CARMIL1: variants seen among roughly 807,000 people sequenced by gnomAD.
CARMIL1 encodes capping protein regulator and myosin 1 linker 1.
Under a neutral mutation model 177.1 loss-of-function variants are expected in CARMIL1, and 90 were observed. The observed-to-expected ratio is 0.51, with a 90% CI of 0.43 to 0.61. The LOEUF is 0.61. Ranked by LOEUF, CARMIL1 falls within the 20% of genes least tolerant of loss-of-function variation. The pLI is 0.00. For missense variants in CARMIL1, 1,380 were observed against 1,667.0 expected (o/e 0.83, Z 3.00); for synonymous variants, 577 against 606.2 (o/e 0.95, Z 0.71).
chr6:25,477,868 T>TTC (rs1801720276), intron 11 of CARMIL1, among the ~76,000 whole-genome samples: 1 of 148,786 alleles, frequency 6.7e-6, no homozygotes, highest in Non-Finnish European at 1.5e-5. Context: ...TTTTTTTTTT[T>TTC]TTTTTGAGAC....
chr6:25,581,237 T>C lies in CARMIL1; in HGVS notation c.2810-6T>C. 6.2e-7 allele frequency: 1 copy of C among 1,607,540 alleles called. No homozygotes were observed. The highest frequency in any genetic ancestry group is 8.5e-7 in the Non-Finnish European group (1 of 1,178,458). The stretch of plus-strand genomic sequence containing the variant: ...TGTTTTTTTGTTTTTTTGTTTTTAA[T>C]TTTAGAAATGGAGTTTGATCTAGAT... On this transcript the variant is annotated splice_polypyrimidine_tract_variant and splice_region_variant and intron_variant, in intron 30 of 36. Coordinates refer to ENST00000329474, the MANE Select transcript of CARMIL1 (RefSeq NM_017640.6).
intron 2 of CARMIL1, among the ~76,000 whole-genome samples, chr6:25,416,529 C>T (rs1203447184): frequency 6.6e-6 from 1 of 152,190 alleles, no homozygotes; most frequent in African/African-American, 2.4e-5. Context: ...ACAGTGTACT[C>T]AACAGGTACT....
At chr6:25,610,802 C>A (rs879472422) in intron 36 of CARMIL1, among the ~76,000 whole-genome samples, 1 of 152,210 alleles carries the variant, frequency 6.6e-6, no homozygotes, top group Non-Finnish European at 1.5e-5. Flanking sequence ...TGAGCTGTTA[C>A]CAATTATTAT....
At chr6:25,609,290 C>T (rs1816288549) in intron 35 of CARMIL1, among the ~76,000 whole-genome samples, 1 of 152,006 alleles carries the variant, frequency 6.6e-6, no homozygotes, top group Admixed American at 6.5e-5. Flanking sequence ...CACAGTGAAA[C>T]CCCGTCTCTA....
chr6:25,312,280 T>G (rs1046674610), intron 2 of CARMIL1, among the ~76,000 whole-genome samples: 1 of 152,216 alleles, frequency 6.6e-6, no homozygotes, highest in Non-Finnish European at 1.5e-5. Context: ...TGTCATAAAC[T>G]TGTTGAAATT....
At chr6:25,345,145 C>G (rs545141220) in intron 2 of CARMIL1, among the ~76,000 whole-genome samples, 6 of 152,098 alleles carry the variant, frequency 3.9e-5, no homozygotes, top group Non-Finnish European at 8.8e-5. Context: ...ATTTCCTTGC[C>G]GAAGCCCATG....
intron 2 of CARMIL1, among the ~76,000 whole-genome samples, chr6:25,298,422 C>T (rs984525803): frequency 6.6e-6 from 1 of 152,144 alleles, no homozygotes; most frequent in African/African-American, 2.4e-5. Flanking sequence ...TGTTTTTTCA[C>T]TCTGCTGTTC....
At chr6:25,574,016 C>A (rs1400107851) in intron 29 of CARMIL1, among the ~76,000 whole-genome samples, 1 of 152,154 alleles carries the variant, frequency 6.6e-6, no homozygotes, top group Non-Finnish European at 1.5e-5. Flanking sequence ...CAGAACAACT[C>A]CGAGTTACTT....
At chr6:25,332,778 C>T (rs1228305157) in intron 2 of CARMIL1, among the ~76,000 whole-genome samples, 2 of 140,792 alleles carry the variant, frequency 1.4e-5, no homozygotes, top group African/African-American at 2.5e-5. Flanking sequence ...CACACGCGCA[C>T]ACACACACAC....
chr6:25,327,192 G>A (rs1469680094), intron 2 of CARMIL1, among the ~76,000 whole-genome samples: 1 of 152,034 alleles, frequency 6.6e-6, no homozygotes, highest in Non-Finnish European at 1.5e-5. Context: ...GAGAGAGGGT[G>A]CAAGAGCGGG....
At position 25,483,681 on chromosome 6, in the gene CARMIL1, C is replaced by CAAA. The variant is rs11452946; in HGVS notation, c.961+1356_961+1358dup. ...GCAGATTCAGCTTCTATCTCTGTCT[C>CAAA]AAAAAAAAAAAAAAAAAAAATGGAG... On this transcript the variant is annotated intron_variant, in intron 12 of 36. Coordinates refer to ENST00000329474, the MANE Select transcript of CARMIL1 (RefSeq NM_017640.6). 7.9e-3 allele frequency among the ~76,000 whole-genome samples: 714 copies of CAAA among 90,238 alleles called. 14 individuals carry two copies. Among genetic ancestry groups the CAAA allele is most frequent in the African/African-American group, 0.028 (641 of 23,220 alleles). 59.2% of individuals were successfully genotyped at this position (90,238 alleles called of 152,430 possible).
intron 32 of CARMIL1, among the ~76,000 whole-genome samples, chr6:25,596,900 C>A (rs1449728790): frequency 6.6e-6 from 1 of 152,020 alleles, no homozygotes; most frequent in Non-Finnish European, 1.5e-5. Flanking sequence ...CTTAGACACA[C>A]ACTTTTCCTT....
At position 25,279,500 on chromosome 6, in the gene CARMIL1, G is replaced by A. The variant is rs1031704205; in HGVS notation, c.-296G>A. 84 of 486,366 alleles carry A rather than the reference G, an allele frequency of 1.7e-4. No homozygotes were observed. The highest frequency in any genetic ancestry group is 1.4e-3 in the African/African-American group (72 of 50,706). 30.1% of individuals were successfully genotyped at this position (486,366 alleles called of 1,614,324 possible). A position where few individuals can be genotyped will look rare whatever the true frequency, so the allele number is the denominator to read the frequency against. ...GGGAGGAGGAGCAGGCGCCACAGCC[G>A]CCCCGCGCCCCGCGCCCGCTTGTAA... On this transcript the variant is annotated 5_prime_UTR_variant, in exon 1 of 37. Coordinates refer to ENST00000329474, the MANE Select transcript of CARMIL1 (RefSeq NM_017640.6).
Position 25,577,327 on chromosome 6 carries a change from G to A in CARMIL1, c.2743-3597G>A, listed in dbSNP as rs1321246348. 1.3e-5 allele frequency among the ~76,000 whole-genome samples: 2 copies of A among 152,076 alleles called. No homozygotes were observed. The highest frequency in any genetic ancestry group is 2.4e-5 in the African/African-American group (1 of 41,410). The stretch of plus-strand genomic sequence containing the variant: ...ATAATAAAGACATGATTACTTTTAA[G>A]ATTTTTTTCCTGATTCTTGTCATAT... On this transcript the variant is annotated intron_variant, in intron 29 of 36. Transcript: ENST00000329474. The surrounding 1 kb of genome is among the most constrained non-coding windows in gnomAD (Gnocchi z 4.5).
At chr6:25,366,397 A>G (rs1364139846) in intron 2 of CARMIL1, among the ~76,000 whole-genome samples, 2 of 151,920 alleles carry the variant, frequency 1.3e-5, no homozygotes, top group African/African-American at 2.4e-5. Flanking sequence ...ATCTCTGTAC[A>G]ATGTTACCTT....
chr6:25,427,629 C>T (rs1381666338), intron 4 of CARMIL1, among the ~76,000 whole-genome samples: 2 of 152,132 alleles, frequency 1.3e-5, no homozygotes, highest in Non-Finnish European at 2.9e-5. Context: ...TTTTGAGAAA[C>T]CGTCACACTT....
chr6:25,429,856 T>A (rs114542019), intron 4 of CARMIL1, among the ~76,000 whole-genome samples: 12,815 of 146,976 alleles, frequency 0.087, 612 homozygotes, highest in South Asian at 0.1. Flanking sequence ...TTATTATATA[T>A]ATATTTTTGA....
In CARMIL1 at chr6:25,619,463, G is replaced by A. The variant is rs1759560458; in HGVS notation, c.3996G>A (p.Trp1332Ter). ...TTATTTCAGTTTCAAGGAGAAGCTG[G>A]GGCCAGCAGGCCCAGGAGTATCAAG... ...TFSQEVSRRS[W>*]GQQAQEYQEQ... is the part of the protein sequence containing the mutation. Residue 1332 changes from tryptophan (W) to a stop codon, truncating the protein, a stop_gained, in exon 37 of 37, where the codon TGG (tryptophan) becomes TGA (stop). Coordinates refer to ENST00000329474, the MANE Select transcript of CARMIL1 (RefSeq NM_017640.6). LOFTEE classifies it high-confidence loss of function. The A allele has an allele frequency of 6.2e-7, 1 of 1,611,952 alleles. No homozygotes were observed. The highest frequency in any genetic ancestry group is 8.5e-7 in the Non-Finnish European group (1 of 1,179,180).
intron 36 of CARMIL1, among the ~76,000 whole-genome samples, chr6:25,614,611 C>T (rs910803279): frequency 6.6e-6 from 1 of 152,160 alleles, no homozygotes; most frequent in African/African-American, 2.4e-5. Context: ...GTTGCATAGA[C>T]GTTTCTGGTT....
Sources: gnomAD v4.1 joint callset for allele counts (sites outside exome capture counted in the v4.1 genomes callset) on GRCh38, gnomAD v4.1.1 for gene constraint, Gnocchi (gnomAD v3.1) non-coding constraint, MANE v1.5 for transcripts, NCBI Gene and HGNC (gene_info 2026-07-23, HGNC 2026-07-21) for gene names.